The following TWNK variants were observed in gnomAD, a reference collection of about 807,000 sequenced individuals.
TWNK encodes twinkle mtDNA helicase, also known as T7 gp4-like protein with intramitochondrial nucleoid localization.
TWNK carries 36 observed loss-of-function variants against 58.2 expected under a neutral mutation model. The observed-to-expected ratio is 0.62, with a 90% CI of 0.47 to 0.82. The LOEUF is 0.82. Ranked by LOEUF, TWNK falls within the 40% of genes least tolerant of loss-of-function variation. The probability of loss-of-function intolerance (pLI) is 0.00; values close to 1 mark genes in which losing one functional copy is unlikely to be tolerated. For missense variants in TWNK, 714 were observed against 881.0 expected (o/e 0.81, Z 2.40); for synonymous variants, 349 against 348.5 (o/e 1.00, Z -0.02).
At position 100,988,414 on chromosome 10, in the gene TWNK, G is replaced by A. The variant is rs777947742; in HGVS notation, c.204G>A (p.Gly68=). Residue 68 remains glycine (G), a synonymous_variant, in exon 1 of 5, where the codon GGG becomes GGA. Coordinates refer to ENST00000311916, the MANE Select transcript of TWNK (RefSeq NM_021830.5). The surrounding 1 kb of genome is among the most constrained non-coding windows in gnomAD (Gnocchi z 5.2). ...TCCGCCAGTATTTGCGGGGGCATGG[G>A]ATCCCCTTCCAGGATGGTCACAGTT... ...TEIRQYLRGH[G]IPFQDGHSCL... is the part of the protein sequence containing the mutation. 3.7e-6 allele frequency: 6 copies of A among 1,614,262 alleles called. No individual in the cohort carries two copies. In the South Asian group the frequency reaches 6.6e-5, roughly 18 times the overall value.
rs1194174201 is a variant in TWNK at position 100,993,351 on chromosome 10, A to G, written c.1896A>G (p.Pro632=). The G allele has an allele frequency of 1.2e-6, 2 of 1,614,064 alleles. No individual in the cohort carries two copies. The highest frequency in any genetic ancestry group is 2.2e-5 in the South Asian group (2 of 91,086). The change falls in exon 5 of 5, where the codon CCA becomes CCG. Residue 632 remains proline, a synonymous_variant. Coordinates refer to ENST00000311916, the MANE Select transcript of TWNK (RefSeq NM_021830.5). ...NKNSLTFSIP[P]KNKARLKKIK... The stretch of plus-strand genomic sequence containing the variant: ...ACTCCCTCACCTTCTCCATTCCACC[A>G]AAGAACAAGGCCCGGCTCAAGAAGA...
chr10:100,990,321 GTAATAA>G, intron 2 of TWNK, 109 bp from the exon 3 acceptor site: 1 of 817,798 alleles, frequency 1.2e-6, no homozygotes, highest in Non-Finnish European at 2.1e-6. Context: ...TCAAATAATA[GTAATAA>G]TAATAGAAGG....
chr10:100,993,044 C>G, intron 4 of TWNK, 146 bp from the exon 5 acceptor site: 1 of 847,774 alleles, frequency 1.2e-6, no homozygotes, highest in Non-Finnish European at 2.0e-6. Flanking sequence ...ACTCGGCCTC[C>G]CAAAGTTCTG....
chr10:100,987,895 C>A lies in TWNK; in HGVS notation c.-316C>A. On this transcript the variant is annotated 5_prime_UTR_variant, in exon 1 of 5. Coordinates refer to ENST00000311916, the MANE Select transcript of TWNK (RefSeq NM_021830.5). The stretch of plus-strand genomic sequence containing the variant: ...GAGCAGTAGAGGTGAGAAGATGATG[C>A]AAAGAAACTGTGTCAGTGAGGAACT... The A allele has an allele frequency of 1.7e-6, 1 of 598,184 alleles. No individual in the cohort carries two copies. 37.1% of individuals were successfully genotyped at this position (598,184 alleles called of 1,614,324 possible). A position where few individuals can be genotyped will look rare whatever the true frequency, so the allele number is the denominator to read the frequency against.
rs754786868 is a variant in TWNK at position 100,988,404 on chromosome 10, G to A, written c.194G>A (p.Arg65Gln). The A allele has an allele frequency of 1.9e-6, 3 of 1,614,254 alleles. No individual in the cohort carries two copies. The highest frequency in any genetic ancestry group is 2.5e-6 in the Non-Finnish European group (3 of 1,180,050). The change falls in exon 1 of 5, where the codon CGG (arginine) becomes CAG (glutamine). Residue 65 changes from arginine (R) to glutamine (Q), a missense_variant. Physicochemically the swap from Arg to Gln is conservative, Grantham distance 43. Around this residue, in one of 3 missense-constraint regions of TWNK, gnomAD observed 348 missense variants for 388.4 expected, o/e 0.90. Coordinates refer to ENST00000311916, the MANE Select transcript of TWNK (RefSeq NM_021830.5). The surrounding 1 kb of genome is among the most constrained non-coding windows in gnomAD (Gnocchi z 5.2). ...GCAACTGAAATCCGCCAGTATTTGC[G>A]GGGGCATGGGATCCCCTTCCAGGAT... ...VTATEIRQYL[R>Q]GHGIPFQDGH...
intron 4 of TWNK, 124 bp from the exon 5 acceptor site, chr10:100,993,066 G>T: frequency 9.8e-7 from 1 of 1,019,582 alleles, no homozygotes; most frequent in Non-Finnish European, 1.5e-6. Context: ...GATTACAGGC[G>T]TGAGCCATTG....
In TWNK at chr10:100,993,862, G is replaced by A. The variant is rs1487426765; in HGVS notation, c.*352G>A. On this transcript the variant is annotated 3_prime_UTR_variant, in exon 5 of 5. Transcript: ENST00000311916. ...GAAAATAGAAATGCGATAGAGTGCTGGCAGGCTAGTGTAGATAAGTGGTCT... is the reference window on the plus strand; with the variant it reads ...GAAAATAGAAATGCGATAGAGTGCTAGCAGGCTAGTGTAGATAAGTGGTCT... The A allele has an allele frequency of 6.0e-6, 2 of 331,268 alleles. No homozygotes were observed. Among genetic ancestry groups the A allele is most frequent in the African/African-American group, 4.3e-5 (2 of 46,922 alleles). 20.5% of individuals were successfully genotyped at this position (331,268 alleles called of 1,614,324 possible). A position where few individuals can be genotyped will look rare whatever the true frequency, so the allele number is the denominator to read the frequency against.
rs1284622578 is a variant in TWNK at position 100,989,754 on chromosome 10, G to A, written c.1354G>A (p.Ala452Thr). ...GSFEISNVRL[A>T]RVMLTQFAEG... ...CTTCGAGATCAGCAATGTGAGACTA[G>A]CCCGGGTCATGCTGACACAGTTTGC... The change falls in exon 2 of 5, where the codon GCC becomes ACC. Residue 452 changes from alanine (A) to threonine (T), a missense_variant. By Grantham distance (58) the Ala-to-Thr change is moderately conservative. Transcript: ENST00000311916. The surrounding 1 kb of genome is among the most constrained non-coding windows in gnomAD (Gnocchi z 7.6). 6.2e-7 allele frequency: 1 copy of A among 1,614,078 alleles called. No individual in the cohort carries two copies. Among genetic ancestry groups the A allele is most frequent in the African/African-American group, 1.3e-5 (1 of 74,924 alleles).
intron 3 of TWNK, 136 bp downstream of exon 3, chr10:100,990,679 A>G (rs1851744111): frequency 1.9e-6 from 3 of 1,597,588 alleles, no homozygotes; most frequent in Non-Finnish European, 2.6e-6. Flanking sequence ...TACCACCCCC[A>G]TGTGTATCAT....
rs768805976 is a variant in TWNK, at chr10:100,988,195, C to G, written c.-16C>G. The G allele has an allele frequency of 1.2e-6, 2 of 1,613,804 alleles. No individual in the cohort carries two copies. Among genetic ancestry groups the G allele is most frequent in the Non-Finnish European group, 1.7e-6 (2 of 1,180,008 alleles). The stretch of plus-strand genomic sequence containing the variant: ...CTAAGGCATTTCAAGTAGTGACTTC[C>G]CACATTTGGCTAGGAATGTGGGTCC... On this transcript the variant is annotated 5_prime_UTR_variant, in exon 1 of 5. Transcript: ENST00000311916. This position sits in a 1 kb window ranked among gnomAD's most constrained non-coding sequence, Gnocchi z 5.2.
At position 100,988,906 on chromosome 10, in the gene TWNK, C is replaced by T. The variant is rs1193825614; in HGVS notation, c.696C>T (p.Ser232=). Residue 232 remains serine, a synonymous_variant, in exon 1 of 5, where the codon AGC becomes AGT. Transcript: ENST00000311916. This position sits in a 1 kb window ranked among gnomAD's most constrained non-coding sequence, Gnocchi z 5.2. The part of the protein sequence containing the change: ...LEAKCQGDGV[S]YEETTIPRPS... ...CTAAATGCCAGGGGGATGGAGTGAGCTACGAGGAAACCACTATTCCCCGAC... is the reference window on the plus strand; with the variant it reads ...CTAAATGCCAGGGGGATGGAGTGAGTTACGAGGAAACCACTATTCCCCGAC... 1 of 1,614,196 alleles carries T rather than the reference C, an allele frequency of 6.2e-7. No individual in the cohort carries two copies. The highest frequency in any genetic ancestry group is 1.1e-5 in the South Asian group (1 of 91,084).
At position 100,993,614 on chromosome 10, in the gene TWNK, C is replaced by A; in HGVS notation, c.*104C>A. On this transcript the variant is annotated 3_prime_UTR_variant, in exon 5 of 5. Coordinates refer to ENST00000311916, the MANE Select transcript of TWNK (RefSeq NM_021830.5). The stretch of plus-strand genomic sequence containing the variant: ...CTGTGGTCCTGAGCTGTGTGCCCTT[C>A]TCAGTCTGAGGGGCCTAACCTAGAG... The A allele has an allele frequency of 7.5e-7, 1 of 1,336,012 alleles. No homozygotes were observed. Among genetic ancestry groups the A allele is most frequent in the Non-Finnish European group, 1.0e-6 (1 of 953,718 alleles). The allele number at this position is 1,336,012 out of a possible 1,614,324, so 82.8% of individuals were successfully genotyped here. A position where few individuals can be genotyped will look rare whatever the true frequency, so the allele number is the denominator to read the frequency against.
Position 100,989,541 on chromosome 10 carries a change from AAAG to A in TWNK, c.1243+92_1243+94del. On this transcript the variant is annotated intron_variant, in intron 1 of 4. Transcript: ENST00000311916. This position sits in a 1 kb window ranked among gnomAD's most constrained non-coding sequence, Gnocchi z 7.6. Reference sequence around the variant, plus strand: ...TGGGTTTGGGCCATGACAATGTTGAAAAGAAGGTTGGCCCTTTCCCCCCAGTTT... The same window carrying A: ...TGGGTTTGGGCCATGACAATGTTGAAAAGGTTGGCCCTTTCCCCCCAGTTT... 7.5e-6 allele frequency: 12 copies of A among 1,609,782 alleles called. No homozygotes were observed. The highest frequency in any genetic ancestry group is 1.3e-5 in the African/African-American group (1 of 74,984).
Position 100,993,573 on chromosome 10 carries a change from C to G in TWNK, c.*63C>G, listed in dbSNP as rs1851846585. 6.4e-7 allele frequency: 1 copy of G among 1,553,760 alleles called. No homozygotes were observed. Among genetic ancestry groups the G allele is most frequent in the Admixed American group, 1.8e-5 (1 of 57,018 alleles). On this transcript the variant is annotated 3_prime_UTR_variant, in exon 5 of 5. Transcript: ENST00000311916. ...GGATAGGCTGGAGCATAAAACTCTGCAAGGGCTCCTCTATCCTGTGGTCCT... is the reference window on the plus strand; with the variant it reads ...GGATAGGCTGGAGCATAAAACTCTGGAAGGGCTCCTCTATCCTGTGGTCCT...
rs1358035231 is a variant in TWNK at position 100,989,047 on chromosome 10, T to C, written c.837T>C (p.Pro279=). 6.2e-7 allele frequency: 1 copy of C among 1,614,164 alleles called. No homozygotes were observed. ...CCTTGAACCAGTCCACGGGGCTGCCTACCCTTACTCTACCCCGAGGAACGA... is the reference window on the plus strand; with the variant it reads ...CCTTGAACCAGTCCACGGGGCTGCCCACCCTTACTCTACCCCGAGGAACGA... The part of the protein sequence containing the change: ...SLALNQSTGL[P]TLTLPRGTTC... The change falls in exon 1 of 5, where the codon CCT becomes CCC. Residue 279 remains proline, a synonymous_variant. Transcript: ENST00000311916. This position sits in a 1 kb window ranked among gnomAD's most constrained non-coding sequence, Gnocchi z 7.6.
chr10:100,988,481 A>T lies in TWNK; in HGVS notation c.271A>T (p.Lys91Ter). 1 of 1,614,252 alleles carries T rather than the reference A, an allele frequency of 6.2e-7. No homozygotes were observed. ...LSPFAESSQL[K>*]GQTGVTTSFS... ...CCCCTTTGCAGAGTCTTCACAGCTCAAAGGCCAGACTGGTGTTACCACTTC... is the reference window on the plus strand; with the variant it reads ...CCCCTTTGCAGAGTCTTCACAGCTCTAAGGCCAGACTGGTGTTACCACTTC... Residue 91 changes from lysine (K) to a stop codon, truncating the protein, a stop_gained, in exon 1 of 5, where the codon AAA becomes TAA. Transcript: ENST00000311916. LOFTEE classifies it high-confidence loss of function. This position sits in a 1 kb window ranked among gnomAD's most constrained non-coding sequence, Gnocchi z 5.2.
chr10:100,993,487 G>C lies in TWNK; in HGVS notation c.2032G>C (p.Asp678His). 6.2e-7 allele frequency: 1 copy of C among 1,614,146 alleles called. No individual in the cohort carries two copies. Among genetic ancestry groups the C allele is most frequent in the Non-Finnish European group, 8.5e-7 (1 of 1,180,036 alleles). Residue 678 changes from aspartate to histidine, a missense_variant, in exon 5 of 5, where the codon GAC becomes CAC. Coordinates refer to ENST00000311916, the MANE Select transcript of TWNK (RefSeq NM_021830.5). ...SGQAPTPDQP[D>H]TSKRSK ...CCAGGCCCCCACTCCCGACCAGCCA[G>C]ACACCTCCAAGCGTTCAAAGTGAAG...
chr10:100,987,735 G>A lies in TWNK; in HGVS notation c.-476G>A. 1.7e-6 allele frequency: 1 copy of A among 586,342 alleles called. No homozygotes were observed. Among genetic ancestry groups the A allele is most frequent in the South Asian group, 2.1e-5 (1 of 46,726 alleles). 36.3% of individuals were successfully genotyped at this position (586,342 alleles called of 1,614,324 possible). On this transcript the variant is annotated 5_prime_UTR_variant, in exon 1 of 5. Coordinates refer to ENST00000311916, the MANE Select transcript of TWNK (RefSeq NM_021830.5). ...GGGATTGGCGGGAGTCGTGCTGGGT[G>A]CTCTCGCCGTGTTGAGGTCCCAGTG...
At chr10:100,990,838 A>G in intron 3 of TWNK, 31 bp from the exon 4 acceptor site, 3 of 1,613,454 alleles carry the variant, frequency 1.9e-6, no homozygotes, top group Non-Finnish European at 2.5e-6. Context: ...TCTGTGTCTG[A>G]TAAGCTCTTT....
Sources: gnomAD v4.1 joint callset for allele counts on GRCh38, gnomAD v4.1.1 for gene constraint, gnomAD v4.1.1 regional missense constraint, Gnocchi (gnomAD v3.1) non-coding constraint, MANE v1.5 for transcripts, NCBI Gene and HGNC (gene_info 2026-07-23, HGNC 2026-07-21) for gene names.